C6: variants seen among roughly 807,000 people sequenced by gnomAD.
C6 encodes complement C6, also known as complement component C6.
In C6, 101 loss-of-function variants were observed where a neutral mutation model predicts 112.9. That is an observed-to-expected ratio of 0.89 (90% CI 0.76 to 1.06). The LOEUF is 1.06. Ranked by LOEUF, C6 falls within the 50% of genes least tolerant of loss-of-function variation. The pLI, the probability that C6 is intolerant of heterozygous loss-of-function variation, is 0.00. For missense variants in C6, 1,202 were observed against 1,104.6 expected, an observed-to-expected ratio of 1.09 and a Z score of -1.25; for synonymous variants, 431 against 384.1, an observed-to-expected ratio of 1.12 and a Z score of -1.43.
At chr5:41,216,986 A>G (rs1189309226), upstream of C6, among the ~76,000 whole-genome samples, 2 of 151,962 alleles carry the variant, frequency 1.3e-5, no homozygotes, top group Non-Finnish European at 2.9e-5. Context: ...TCTCTCCTTC[A>G]TTTTGCATAG....
chr5:41,175,655 C>T (rs1748779937), intron 8 of C6, among the ~76,000 whole-genome samples: 1 of 152,222 alleles, frequency 6.6e-6, no homozygotes, highest in Non-Finnish European at 1.5e-5. Context: ...GGATTATACT[C>T]ATCAAGTGGG....
intron 11 of C6, chr5:41,159,479 T>C: frequency 1.7e-5 from 17 of 985,270 alleles, no homozygotes; most frequent in Non-Finnish European, 2.0e-5. Flanking sequence ...TGGCAACAAA[T>C]GGCAATCATT....
chr5:41,149,740 A>G (rs1746200487), intron 16 of C6, among the ~76,000 whole-genome samples, 195 bp downstream of exon 16: 1 of 152,228 alleles, frequency 6.6e-6, no homozygotes, highest in African/African-American at 2.4e-5. Context: ...TAAACAGGGA[A>G]CTGGGCTGAG....
intron 12 of C6, 80 bp from the exon 13 acceptor site, chr5:41,158,865 A>G (rs140790579): frequency 0.018 from 17,489 of 990,842 alleles, 239 homozygotes; most frequent in South Asian, 0.025. Context: ...ATGTGTATAC[A>G]TGTGTACACA....
At chr5:41,182,112 T>C (rs1749399310) in intron 6 of C6, among the ~76,000 whole-genome samples, 1 of 152,172 alleles carries the variant, frequency 6.6e-6, no homozygotes, top group African/African-American at 2.4e-5. Flanking sequence ...TTGACCTTTG[T>C]GTTAGTCATT....
At chr5:41,240,900 C>T (rs1016235132) in intron 1 of C6, among the ~76,000 whole-genome samples, 1 of 152,148 alleles carries the variant, frequency 6.6e-6, no homozygotes, top group Non-Finnish European at 1.5e-5. Context: ...TAGGGAAGTC[C>T]TTAGGTCTCC....
chr5:41,254,364 C>A (rs1741550998), intron 1 of C6, among the ~76,000 whole-genome samples: 1 of 152,098 alleles, frequency 6.6e-6, no homozygotes. Flanking sequence ...CGAGACTGCA[C>A]CACTGTACTC....
chr5:41,219,482 T>C (rs573722681), intron 1 of C6, among the ~76,000 whole-genome samples: 1 of 152,108 alleles, frequency 6.6e-6, no homozygotes, highest in Non-Finnish European at 1.5e-5. Flanking sequence ...AAGGGACATG[T>C]GAAGTCCTTG....
intron 1 of C6, among the ~76,000 whole-genome samples, chr5:41,207,773 A>C (rs916997721): frequency 2.6e-5 from 4 of 152,206 alleles, no homozygotes; most frequent in Admixed American, 2.6e-4. Context: ...CCACACAATA[A>C]TAATGGGAGA....
intron 3 of C6, among the ~76,000 whole-genome samples, chr5:41,200,631 A>C (rs1580175297): frequency 6.6e-6 from 1 of 152,266 alleles, no homozygotes; most frequent in African/African-American, 2.4e-5. Flanking sequence ...CTGTTCCACA[A>C]ATGAGTTTCT....
chr5:41,182,073 C>T (rs1045468819), intron 6 of C6, among the ~76,000 whole-genome samples: 1 of 152,106 alleles, frequency 6.6e-6, no homozygotes, highest in African/African-American at 2.4e-5. Context: ...TGCCTGCTAC[C>T]AAAGCTCCCA....
chr5:41,166,411 G>A (rs1747978376), intron 9 of C6, among the ~76,000 whole-genome samples: 1 of 152,012 alleles, frequency 6.6e-6, no homozygotes, highest in Admixed American at 6.6e-5. Context: ...GGTAATAATT[G>A]TACCAGTCTC....
upstream of C6, among the ~76,000 whole-genome samples, chr5:41,213,760 G>GC (rs1020883853): frequency 1.4e-4 from 21 of 152,132 alleles, no homozygotes; most frequent in East Asian, 1.2e-3. Flanking sequence ...TAAAATTGCT[G>GC]CCCCCCTTAG....
At chr5:41,240,007 C>T (rs1740596760) in intron 1 of C6, among the ~76,000 whole-genome samples, 1 of 152,120 alleles carries the variant, frequency 6.6e-6, no homozygotes, top group Non-Finnish European at 1.5e-5. Flanking sequence ...TGTGACTAGA[C>T]ACTTTTCTCT....
At chr5:41,209,916 C>T (rs895383297) in intron 1 of C6, among the ~76,000 whole-genome samples, 5 of 152,140 alleles carry the variant, frequency 3.3e-5, no homozygotes, top group African/African-American at 1.2e-4. Flanking sequence ...CAAGACAATC[C>T]TAAGCCAAAA....
intron 1 of C6, among the ~76,000 whole-genome samples, chr5:41,229,550 AT>A (rs1267615351): frequency 6.6e-6 from 1 of 152,018 alleles, no homozygotes; most frequent in Non-Finnish European, 1.5e-5. Context: ...GTGCAATTTG[AT>A]TTCAGTCTTT....
At chr5:41,172,610 G>A (rs749380496) in intron 8 of C6, 3 of 525,228 alleles carry the variant, frequency 5.7e-6, no homozygotes, top group Non-Finnish European at 1.0e-5. Context: ...GCACATATGA[G>A]CCATTTTGGC....
intron 16 of C6, among the ~76,000 whole-genome samples, 162 bp from the exon 17 acceptor site, chr5:41,149,644 G>T (rs894214208): frequency 6.6e-6 from 1 of 152,114 alleles, no homozygotes; most frequent in Non-Finnish European, 1.5e-5. Context: ...GGAAAGTGTT[G>T]ATATAACTGA....
intron 1 of C6, among the ~76,000 whole-genome samples, chr5:41,259,244 T>TTTC (rs1366769770): frequency 2.6e-5 from 4 of 152,026 alleles, no homozygotes; most frequent in Non-Finnish European, 5.9e-5. Flanking sequence ...ATGAAAAAGA[T>TTTC]ATAAATCTAA....
Sources: allele counts gnomAD v4.1 joint callset (sites outside exome capture counted in the v4.1 genomes callset), GRCh38; gene constraint gnomAD v4.1.1; transcripts MANE v1.5; gene names NCBI Gene and HGNC (gene_info 2026-07-23, HGNC 2026-07-21).